Variants in ARFGEF2 observed in about 807,000 individuals in gnomAD.
ARFGEF2 encodes the protein ARF guanine nucleotide exchange factor 2.
ARFGEF2 carries 74 observed loss-of-function variants against 219.9 expected under a neutral mutation model. The ratio of observed to expected loss-of-function variants is 0.34; its 90% CI spans 0.28 to 0.41. The LOEUF is 0.41. ARFGEF2 is among the 10% of genes least tolerant of loss of function. ARFGEF2 has a pLI of 1.00. For synonymous variants in ARFGEF2, 733 were observed against 799.2 expected, an observed-to-expected ratio of 0.92 and a Z score of 1.40; for missense variants, 1,743 against 2,218.3, an observed-to-expected ratio of 0.79 and a Z score of 4.30.
chr20:49,019,501 T>C (rs761508958), intron 34 of ARFGEF2, among the ~76,000 whole-genome samples: 1 of 152,262 alleles, frequency 6.6e-6, no homozygotes, highest in Non-Finnish European at 1.5e-5. Flanking sequence ...CAGACATTTA[T>C]ATTACTTATA....
rs372904224 is a variant in ARFGEF2, at chr20:48,928,251, T to G, written c.121+6241T>G. Among the ~76,000 whole-genome samples the G allele has an allele frequency of 2.2e-4, 30 of 134,950 alleles. No homozygotes were observed. In the South Asian group the frequency reaches 7.2e-3, roughly 33 times the overall value. 88.5% of individuals were successfully genotyped at this position (134,950 alleles called of 152,430 possible). A position where few individuals can be genotyped will look rare whatever the true frequency, so the allele number is the denominator to read the frequency against. ...TCTCGCTCTGTCGCCCAGGCTGGAG[T>G]GCAGTGGCGCGATCTCGGCTCACTG... On this transcript the variant is annotated intron_variant, in intron 1 of 38. Coordinates refer to ENST00000371917, the MANE Select transcript of ARFGEF2 (RefSeq NM_006420.3).
chr20:48,984,593 G>C, intron 14 of ARFGEF2, 136 bp from the exon 15 acceptor site: 1 of 1,147,524 alleles, frequency 8.7e-7, no homozygotes, highest in Non-Finnish European at 1.3e-6. Flanking sequence ...AAAGCTGCCA[G>C]GACAGACATG....
intron 1 of ARFGEF2, 129 bp downstream of exon 1, chr20:48,922,139 T>G: frequency 2.9e-6 from 4 of 1,389,356 alleles, no homozygotes; most frequent in Non-Finnish European, 3.8e-6. Flanking sequence ...CCTTCCGGCC[T>G]CCTCCTCATT....
intron 28 of ARFGEF2, 109 bp from the exon 29 acceptor site, chr20:49,013,455 G>A: frequency 7.0e-7 from 1 of 1,426,450 alleles, no homozygotes; most frequent in Non-Finnish European, 9.8e-7. Context: ...GCTGAATGGA[G>A]ATTTTTGGGA....
At chr20:49,009,972 T>C (rs2091486462) in intron 26 of ARFGEF2, among the ~76,000 whole-genome samples, 1 of 152,230 alleles carries the variant, frequency 6.6e-6, no homozygotes, top group East Asian at 1.9e-4. Flanking sequence ...AGACCCAGGC[T>C]TTTTCCTTTT....
Position 48,988,320 on chromosome 20 carries a change from A to T in ARFGEF2, c.2293A>T (p.Ser765Cys). Reference sequence around the variant, plus strand: ...TTTCTCCAGGCAAACTCTGTTTGCTAGTGCTGACACTGCTTATGTCCTAGC... The same window carrying T: ...TTTCTCCAGGCAAACTCTGTTTGCTTGTGCTGACACTGCTTATGTCCTAGC... ...ECNQGQTLFA[S>C]ADTAYVLAYS... Residue 765 changes from serine to cysteine, a missense_variant, in exon 17 of 39, where the codon AGT becomes TGT. Coordinates refer to ENST00000371917, the MANE Select transcript of ARFGEF2 (RefSeq NM_006420.3). The T allele has an allele frequency of 6.2e-7, 1 of 1,613,594 alleles. No homozygotes were observed. The highest frequency in any genetic ancestry group is 1.1e-5 in the South Asian group (1 of 91,076).
At chr20:48,960,110 G>A (rs1449988131) in intron 6 of ARFGEF2, among the ~76,000 whole-genome samples, 2 of 152,136 alleles carry the variant, frequency 1.3e-5, no homozygotes, top group African/African-American at 4.8e-5. Flanking sequence ...AGAATATTAT[G>A]GGTATACTTA....
chr20:48,995,987 G>A (rs2091383584), intron 23 of ARFGEF2, 105 bp downstream of exon 23: 1 of 1,038,108 alleles, frequency 9.6e-7, no homozygotes, highest in Non-Finnish European at 1.5e-6. Context: ...TGATACAAGT[G>A]TTGTTAGCTA....
At chr20:49,027,835 A>G (rs1238562350) in intron 36 of ARFGEF2, among the ~76,000 whole-genome samples, 2 of 152,206 alleles carry the variant, frequency 1.3e-5, no homozygotes, top group East Asian at 1.9e-4. Flanking sequence ...GAATATATAT[A>G]AAATGTTTCA....
intron 3 of ARFGEF2, among the ~76,000 whole-genome samples, chr20:48,950,807 AAAAAATATATATAT>A (rs1430783219): frequency 2.0e-3 from 89 of 44,800 alleles, no homozygotes; most frequent in African/African-American, 7.2e-3. Context: ...AAAAAAAAAA[AAAAAATATATATAT>A]ATATATATAT....
intron 38 of ARFGEF2, among the ~76,000 whole-genome samples, chr20:49,032,739 G>A (rs745344239): frequency 2.8e-4 from 43 of 151,836 alleles, no homozygotes; most frequent in Middle Eastern, 6.8e-3. Context: ...CCACAGACAC[G>A]CGCCACTATG....
intron 36 of ARFGEF2, among the ~76,000 whole-genome samples, chr20:49,027,097 T>G (rs2091608226): frequency 1.3e-5 from 2 of 151,986 alleles, no homozygotes; most frequent in Admixed American, 6.6e-5. Context: ...TATTTTTTTA[T>G]TTTTTGGAGA....
chr20:49,025,562 A>T (rs2091597103), intron 36 of ARFGEF2, 81 bp downstream of exon 36: 1 of 1,471,968 alleles, frequency 6.8e-7, no homozygotes, highest in South Asian at 1.2e-5. Context: ...AATGCCCAAA[A>T]TTTTAAACAT....
intron 3 of ARFGEF2, among the ~76,000 whole-genome samples, chr20:48,950,303 T>C (rs2091057584): frequency 6.6e-6 from 1 of 152,034 alleles, no homozygotes; most frequent in African/African-American, 2.4e-5. Flanking sequence ...GGATTCAACG[T>C]TGAAAAAAAT....
intron 38 of ARFGEF2, 120 bp from the exon 39 acceptor site, chr20:49,032,903 A>T (rs2091645040): frequency 9.6e-7 from 1 of 1,036,346 alleles, no homozygotes; most frequent in Non-Finnish European, 1.4e-6. Context: ...CCAACTTTCT[A>T]ATAGCAAGAA....
chr20:49,023,234 T>C (rs2091577295), intron 35 of ARFGEF2, 53 bp downstream of exon 35: 1 of 1,610,296 alleles, frequency 6.2e-7, no homozygotes, highest in Non-Finnish European at 8.5e-7. Context: ...GAGGTTGCTT[T>C]GATGTAGTGG....
chr20:48,971,486 T>C, intron 10 of ARFGEF2, 132 bp downstream of exon 10: 1 of 866,250 alleles, frequency 1.2e-6, no homozygotes. Flanking sequence ...ATGTTTCATA[T>C]CTTACCATCC....
rs1046096209 is a variant in ARFGEF2 at position 49,012,021 on chromosome 20, C to T, written c.3855C>T (p.Asp1285=). 1 of 1,614,254 alleles carries T rather than the reference C, an allele frequency of 6.2e-7. No individual in the cohort carries two copies. Among genetic ancestry groups the T allele is most frequent in the Admixed American group, 1.7e-5 (1 of 60,032 alleles). Residue 1285 remains aspartate (D), a synonymous_variant, in exon 28 of 39, where the codon GAC becomes GAT. Coordinates refer to ENST00000371917, the MANE Select transcript of ARFGEF2 (RefSeq NM_006420.3). ...TCGCCTGCAACGCCGCTTTCCCTGA[C>T]ACGAGCATGGAAGCGATTCGGCTCA... ...SEFACNAAFP[D]TSMEAIRLIR...
Position 48,953,532 on chromosome 20 carries a change from TATCCC to T in ARFGEF2, c.604-23_604-19del, listed in dbSNP as rs2091085060. 6.2e-7 allele frequency: 1 copy of T among 1,603,440 alleles called. No homozygotes were observed. The highest frequency in any genetic ancestry group is 1.3e-5 in the African/African-American group (1 of 74,694). ...ATTTTTCTTCCTTACCAAAATGCTG[TATCCC>T]CCTTTTGTTGCCTTTTAGTTGCAGG... On this transcript the variant is annotated intron_variant, in intron 5 of 38. Coordinates refer to ENST00000371917, the MANE Select transcript of ARFGEF2 (RefSeq NM_006420.3).
Sources: gnomAD v4.1 joint callset for allele counts (sites outside exome capture counted in the v4.1 genomes callset) on GRCh38, gnomAD v4.1.1 for gene constraint, MANE v1.5 for transcripts, NCBI Gene and HGNC (gene_info 2026-07-23, HGNC 2026-07-21) for gene names.